The following RNF17 variants were observed in gnomAD, a reference collection of about 807,000 sequenced individuals.
RNF17 encodes the protein ring finger protein 17.
A neutral mutation model predicts 200.5 loss-of-function variants in RNF17; 31 were observed. The observed-to-expected ratio is 0.15, with a 90% CI of 0.12 to 0.21. RNF17 has a LOEUF of 0.21. Among genes scored for constraint, RNF17 ranks in the 10% least tolerant of loss-of-function variants. The pLI is 1.00. For synonymous variants in RNF17, 606 were observed against 637.8 expected (o/e 0.95, Z 0.75); for missense variants, 1,628 against 1,905.1 (o/e 0.85, Z 2.71).
At chr13:24,806,074 C>T (rs897605452) in intron 15 of RNF17, among the ~76,000 whole-genome samples, 1 of 152,068 alleles carries the variant, frequency 6.6e-6, no homozygotes, top group Non-Finnish European at 1.5e-5. Context: ...GTGTGATATT[C>T]CCCTCCCTGT....
intron 15 of RNF17, among the ~76,000 whole-genome samples, chr13:24,819,035 A>G (rs1887728802): frequency 6.6e-6 from 1 of 152,064 alleles, no homozygotes; most frequent in Non-Finnish European, 1.5e-5. Flanking sequence ...TCTCTTTTGT[A>G]ATTGTGTTAA....
At chr13:24,844,581 T>G in intron 20 of RNF17, 71 bp from the exon 21 acceptor site, 6 of 1,234,096 alleles carry the variant, frequency 4.9e-6, no homozygotes, top group Non-Finnish European at 6.9e-6. Context: ...AAGCGGAGAT[T>G]GTAGGAAACA....
At chr13:24,874,388 A>G in intron 33 of RNF17, 139 bp downstream of exon 33, 1 of 653,830 alleles carries the variant, frequency 1.5e-6, no homozygotes. Context: ...TTCGTGTTAA[A>G]GTATACATAA....
intron 15 of RNF17, among the ~76,000 whole-genome samples, chr13:24,812,223 G>A (rs1318377594): frequency 2.6e-5 from 4 of 151,134 alleles, no homozygotes; most frequent in East Asian, 2.0e-4. Flanking sequence ...GGGCAATGGC[G>A]GGCGCCCCTC....
At chr13:24,777,992 T>C (rs1881801375) in intron 3 of RNF17, among the ~76,000 whole-genome samples, 1 of 152,312 alleles carries the variant, frequency 6.6e-6, no homozygotes, top group African/African-American at 2.4e-5. Flanking sequence ...CCAGGCACAG[T>C]GGCTCACACC....
chr13:24,877,028 T>G lies in RNF17; in HGVS notation c.4615T>G (p.Tyr1539Asp). The change falls in exon 34 of 36, where the codon TAT (tyrosine) becomes GAT (aspartate). Residue 1539 changes from tyrosine to aspartate, a missense_variant. By Grantham distance (160) the Tyr-to-Asp change is radical. Around this residue, in one of 5 missense-constraint regions of RNF17, gnomAD observed 609 missense variants for 681.9 expected, o/e 0.89. Transcript: ENST00000255324. Reference sequence around the variant, plus strand: ...CCAAATTCCTTCTCATCTTATGCGGTATCCAGCTCGAGCCATAAAGGTTCT... The same window carrying G: ...CCAAATTCCTTCTCATCTTATGCGGGATCCAGCTCGAGCCATAAAGGTTCT... The part of the protein sequence containing the change: ...LCQIPSHLMR[Y>D]PARAIKVLLA... 2 of 1,608,860 alleles carry G rather than the reference T, an allele frequency of 1.2e-6. No individual in the cohort carries two copies. The highest frequency in any genetic ancestry group is 1.7e-6 in the Non-Finnish European group (2 of 1,178,722).
At chr13:24,840,174 G>A (rs1380953339) in intron 18 of RNF17, among the ~76,000 whole-genome samples, 3 of 152,124 alleles carry the variant, frequency 2.0e-5, no homozygotes, top group Non-Finnish European at 4.4e-5. Context: ...ACTACAATGC[G>A]ATGCCACCTC....
At chr13:24,850,289 C>A in intron 22 of RNF17, 52 bp from the exon 23 acceptor site, 2 of 1,154,828 alleles carry the variant, frequency 1.7e-6, no homozygotes, top group Non-Finnish European at 2.6e-6. Flanking sequence ...TTGTATATTT[C>A]AATATTGTAT....
At chr13:24,868,781 A>C in intron 31 of RNF17, 65 bp downstream of exon 31, 2 of 876,264 alleles carry the variant, frequency 2.3e-6, no homozygotes, top group Non-Finnish European at 3.8e-6. Flanking sequence ...CTTAAACACT[A>C]TAAGTGACTC....
chr13:24,853,932 T>C lies in RNF17; in HGVS notation c.3398T>C (p.Val1133Ala). Residue 1133 changes from valine to alanine, a missense_variant, in exon 25 of 36, where the codon GTT becomes GCT. This residue lies in a region of RNF17 where 609 missense variants were observed against 681.9 expected (regional missense o/e 0.89). Coordinates refer to ENST00000255324, the MANE Select transcript of RNF17 (RefSeq NM_031277.3). The part of the protein sequence containing the change: ...EVPLEQEDSV[V>A]TNCIKTNFDP... ...CCCCTGGAACAGGAAGATTCAGTAG[T>C]TACTAACTGTATTAAAACTAACTTT... The C allele has an allele frequency of 6.2e-7, 1 of 1,613,922 alleles. No homozygotes were observed. Among genetic ancestry groups the C allele is most frequent in the Non-Finnish European group, 8.5e-7 (1 of 1,179,828 alleles).
At chr13:24,885,449 T>C in the RNF17 span, 1 of 1,260,724 alleles carries the variant, frequency 7.9e-7, no homozygotes, top group South Asian at 1.2e-5. Context: ...CAGATTCTGA[T>C]ATAGGGTTCT....
At chr13:24,850,464 T>G (rs368674104) in intron 23 of RNF17, 21 bp downstream of exon 23, 1 of 1,395,044 alleles carries the variant, frequency 7.2e-7, no homozygotes, top group African/African-American at 1.4e-5. Flanking sequence ...ACAAGAGATA[T>G]GTGCTGATGA....
intron 18 of RNF17, among the ~76,000 whole-genome samples, chr13:24,834,874 A>AG (rs1889799281): frequency 6.6e-6 from 1 of 152,198 alleles, no homozygotes; most frequent in African/African-American, 2.4e-5. Context: ...CTCCACAGGC[A>AG]GGGGAAGAAC....
intron 5 of RNF17, among the ~76,000 whole-genome samples, chr13:24,781,639 AAAAC>A (rs1882382523): frequency 6.6e-6 from 1 of 152,210 alleles, no homozygotes; most frequent in South Asian, 2.1e-4. Flanking sequence ...TGGTCTCAGT[AAAAC>A]AAACAAAAAG....
intron 28 of RNF17, among the ~76,000 whole-genome samples, chr13:24,863,129 G>A (rs535519861): frequency 6.6e-6 from 1 of 152,296 alleles, no homozygotes; most frequent in Admixed American, 6.5e-5. Flanking sequence ...ACTCAGCACT[G>A]TCTCGGGTCC....
At chr13:24,827,208 C>T (rs967229384) in intron 16 of RNF17, among the ~76,000 whole-genome samples, 1 of 152,084 alleles carries the variant, frequency 6.6e-6, no homozygotes, top group Non-Finnish European at 1.5e-5. Context: ...GTTGGGATTA[C>T]AGGCATGAGC....
intron 33 of RNF17, 74 bp from the exon 34 acceptor site, chr13:24,876,923 C>T: frequency 4.9e-6 from 6 of 1,221,890 alleles, no homozygotes; most frequent in Non-Finnish European, 6.8e-6. Context: ...AAGCGTTTCC[C>T]CTATGTTTTC....
intron 11 of RNF17, 66 bp from the exon 12 acceptor site, chr13:24,799,329 C>G: frequency 8.1e-7 from 1 of 1,241,006 alleles, no homozygotes. Context: ...ACTAACGTGT[C>G]TGTAAACTTA....
At chr13:24,828,664 A>C (rs1889028289) in intron 16 of RNF17, among the ~76,000 whole-genome samples, 1 of 151,248 alleles carries the variant, frequency 6.6e-6, no homozygotes, top group Non-Finnish European at 1.5e-5. Flanking sequence ...ATAAAGCCAT[A>C]AAGTATACTT....
Sources: allele counts gnomAD v4.1 joint callset (sites outside exome capture counted in the v4.1 genomes callset), GRCh38; gene constraint gnomAD v4.1.1; regional missense constraint gnomAD v4.1.1; transcripts MANE v1.5; gene names NCBI Gene and HGNC (gene_info 2026-07-23, HGNC 2026-07-21).